Variants in RBFOX1 observed in about 807,000 individuals in gnomAD.
RBFOX1 encodes RNA binding protein fox-1 homolog 1.
In RBFOX1, 8 loss-of-function variants were observed where a neutral mutation model predicts 57.7. That is an observed-to-expected ratio of 0.14 (90% CI 0.08 to 0.25). The LOEUF is 0.25. RBFOX1 is among the 10% of genes least tolerant of loss of function. The pLI is 1.00. For missense variants in RBFOX1, 611 were observed against 548.5 expected (o/e 1.11, Z -1.14); for synonymous variants, 326 against 222.4 (o/e 1.47, Z -4.15).
At chr16:5,336,755 C>G (rs1461050309) in intron 1 of RBFOX1, among the ~76,000 whole-genome samples, 2 of 152,168 alleles carry the variant, frequency 1.3e-5, no homozygotes, top group African/African-American at 2.4e-5. Flanking sequence ...GCCCCTCCAG[C>G]CCCCCTCCTT....
At chr16:6,757,245 C>G (rs1295446810) in intron 3 of RBFOX1, among the ~76,000 whole-genome samples, 1 of 152,008 alleles carries the variant, frequency 6.6e-6, no homozygotes, top group Non-Finnish European at 1.5e-5. Flanking sequence ...AGAGGTTTCT[C>G]AAAAAGACTA....
At chr16:7,017,943 C>T (rs886943143) in intron 3 of RBFOX1, among the ~76,000 whole-genome samples, 6 of 152,154 alleles carry the variant, frequency 3.9e-5, no homozygotes, top group African/African-American at 1.2e-4. Flanking sequence ...CTGTCGGCGA[C>T]GTGTGAATTA....
chr16:6,621,256 T>TG (rs1453580461), intron 2 of RBFOX1, among the ~76,000 whole-genome samples: 1 of 152,056 alleles, frequency 6.6e-6, no homozygotes, highest in Non-Finnish European at 1.5e-5. Context: ...GGTCAGGAGA[T>TG]GGAGAGTATC....
At chr16:7,476,249 A>G (rs2062680766) in intron 4 of RBFOX1, among the ~76,000 whole-genome samples, 2 of 152,246 alleles carry the variant, frequency 1.3e-5, no homozygotes, top group Admixed American at 6.5e-5. Context: ...CTGAAATTAC[A>G]GGCATGAGCC....
In RBFOX1 at chr16:7,643,530, G is replaced by C. The variant is rs953750170; in HGVS notation, c.758-10285G>C. 3.9e-5 allele frequency among the ~76,000 whole-genome samples: 6 copies of C among 152,280 alleles called. No individual in the cohort carries two copies. In the South Asian group the frequency reaches 1.2e-3, roughly 32 times the overall value. ...TCTTCCAAATTAGAAATTTCTAGCT[G>C]AATTTAGTTGTAAGGAGCTCATCAT... is the stretch of plus-strand genomic sequence containing the variant. On this transcript the variant is annotated intron_variant, in intron 11 of 15. Coordinates refer to ENST00000550418, the MANE Select transcript of RBFOX1 (RefSeq NM_018723.4).
intron 3 of RBFOX1, among the ~76,000 whole-genome samples, chr16:6,850,098 G>A (rs776889104): frequency 1.3e-5 from 2 of 152,168 alleles, no homozygotes; most frequent in Non-Finnish European, 2.9e-5. Context: ...GGACTCTTAA[G>A]TATTTAGCTT....
intron 4 of RBFOX1, among the ~76,000 whole-genome samples, chr16:7,394,235 CAAAAAAAAAAAA>C (rs59934126): frequency 6.5e-4 from 36 of 55,042 alleles, no homozygotes; most frequent in South Asian, 1.8e-3. Context: ...GACTCCGCAT[CAAAAAAAAAAAA>C]AAAAAAAAAA....
At chr16:5,306,961 C>T (rs1271062273) in intron 1 of RBFOX1, among the ~76,000 whole-genome samples, 1 of 152,112 alleles carries the variant, frequency 6.6e-6, no homozygotes. Context: ...TTCACCTTCC[C>T]CATGGCAGGC....
intron 1 of RBFOX1, among the ~76,000 whole-genome samples, chr16:6,101,989 C>G (rs1269253505): frequency 6.6e-6 from 1 of 152,150 alleles, no homozygotes; most frequent in East Asian, 1.9e-4. Flanking sequence ...GGCTTGATCA[C>G]ATTTCTTGAG....
chr16:6,869,230 C>T (rs912502137), intron 3 of RBFOX1, among the ~76,000 whole-genome samples: 2 of 152,170 alleles, frequency 1.3e-5, no homozygotes, highest in African/African-American at 2.4e-5. Context: ...CACTTGCTGA[C>T]CACCTATATG....
intron 3 of RBFOX1, among the ~76,000 whole-genome samples, chr16:5,814,035 A>T (rs1164069425): frequency 6.6e-6 from 1 of 152,240 alleles, no homozygotes; most frequent in African/African-American, 2.4e-5. Flanking sequence ...TAGTAATGGT[A>T]ATAGTAATAG....
At chr16:6,806,195 A>G (rs1330938677) in intron 3 of RBFOX1, among the ~76,000 whole-genome samples, 2 of 152,162 alleles carry the variant, frequency 1.3e-5, no homozygotes, top group Non-Finnish European at 2.9e-5. Flanking sequence ...TAAGAGAAAA[A>G]TTAGCAAATT....
At chr16:6,717,265 T>C (rs573859261) in intron 3 of RBFOX1, among the ~76,000 whole-genome samples, 5 of 152,274 alleles carry the variant, frequency 3.3e-5, no homozygotes, top group African/African-American at 9.6e-5. Context: ...ATTTCTGACA[T>C]TATTTGAGTG....
chr16:7,204,363 C>G (rs550000741), intron 4 of RBFOX1, among the ~76,000 whole-genome samples: 1 of 152,146 alleles, frequency 6.6e-6, no homozygotes, highest in African/African-American at 2.4e-5. Context: ...AGTTCCTGGT[C>G]AGGTGTAATG....
rs547909683 is a variant in RBFOX1, at chr16:6,745,595, A to G, written c.-16+90945A>G. 1.7e-4 allele frequency among the ~76,000 whole-genome samples: 26 copies of G among 152,332 alleles called. No homozygotes were observed. In the South Asian group the frequency reaches 2.7e-3, roughly 16 times the overall value. ...AGAAAAGGCATTTGACAAAATCCAA[A>G]ATGGATTCTAGTTTTTTAAAAAGCT... On this transcript the variant is annotated intron_variant, in intron 3 of 15. Transcript: ENST00000550418.
At chr16:6,748,080 G>T (rs914274186) in intron 3 of RBFOX1, among the ~76,000 whole-genome samples, 2 of 151,960 alleles carry the variant, frequency 1.3e-5, no homozygotes, top group Admixed American at 1.3e-4. Flanking sequence ...CTTTTTTTGT[G>T]TTAACTGAAC....
intron 1 of RBFOX1, among the ~76,000 whole-genome samples, chr16:6,209,668 G>A (rs1384463288): frequency 6.6e-6 from 1 of 152,196 alleles, no homozygotes; most frequent in Non-Finnish European, 1.5e-5. Flanking sequence ...TGAATAGCAG[G>A]AAAGCTAAGC....
At position 7,183,475 on chromosome 16, in the gene RBFOX1, T is replaced by C. The variant is rs142975232; in HGVS notation, c.27+131377T>C. Among the ~76,000 whole-genome samples the C allele has an allele frequency of 1.4e-3, 212 of 152,346 alleles. 1 individual carries two copies. The highest frequency in any genetic ancestry group is 4.9e-3 in the African/African-American group (203 of 41,580). On this transcript the variant is annotated intron_variant, in intron 4 of 15. Transcript: ENST00000550418. Reference sequence around the variant, plus strand: ...TTGTTATTAAATAGTGAAACCTTCGTTGGGTTCATCCAAATTTTAGCTATA... The same window carrying C: ...TTGTTATTAAATAGTGAAACCTTCGCTGGGTTCATCCAAATTTTAGCTATA...
intron 4 of RBFOX1, among the ~76,000 whole-genome samples, chr16:7,096,556 C>G (rs556235159): frequency 6.6e-6 from 1 of 152,090 alleles, no homozygotes; most frequent in African/African-American, 2.4e-5. Flanking sequence ...TTACCTACCC[C>G]TGAACCCATC....
Sources: gnomAD v4.1 joint callset for allele counts (sites outside exome capture counted in the v4.1 genomes callset) on GRCh38, gnomAD v4.1.1 for gene constraint, MANE v1.5 for transcripts, NCBI Gene and HGNC (gene_info 2026-07-23, HGNC 2026-07-21) for gene names.